The following USP31 variants were observed in gnomAD, a reference collection of about 807,000 sequenced individuals.
USP31 encodes ubiquitin carboxyl-terminal hydrolase 31.
Under a neutral mutation model 119.4 loss-of-function variants are expected in USP31, and 44 were observed. The ratio of observed to expected loss-of-function variants is 0.37; its 90% CI spans 0.29 to 0.47. USP31 has a LOEUF of 0.47. Ranked by LOEUF, USP31 falls within the 20% of genes least tolerant of loss-of-function variation. The pLI, the probability that USP31 is intolerant of heterozygous loss-of-function variation, is 0.99. For synonymous variants in USP31, 749 were observed against 705.6 expected (o/e 1.06, Z -0.97); for missense variants, 1,643 against 1,730.2 (o/e 0.95, Z 0.89).
chr16:23,139,037 A>G (rs1413671643), intron 1 of USP31, among the ~76,000 whole-genome samples: 1 of 152,214 alleles, frequency 6.6e-6, no homozygotes, highest in Non-Finnish European at 1.5e-5. Flanking sequence ...TGCTAAATAA[A>G]TCTGTAGACT....
chr16:23,115,706 T>C (rs765010306), intron 1 of USP31: 4 of 886,834 alleles, frequency 4.5e-6, no homozygotes, highest in Non-Finnish European at 5.4e-6. Flanking sequence ...ATCCCCTCAC[T>C]TGGGATGATC....
Position 23,069,285 on chromosome 16 carries a change from G to A in USP31, c.2820C>T (p.Ala940=). 6.2e-7 allele frequency: 1 copy of A among 1,611,996 alleles called. No homozygotes were observed. Among genetic ancestry groups the A allele is most frequent in the African/African-American group, 1.3e-5 (1 of 75,020 alleles). The change falls in exon 16 of 16, where the codon GCC becomes GCT. Residue 940 remains alanine (A), a synonymous_variant. Transcript: ENST00000219689. ...SRREHKAVGR[A]PLAVMEGVFK... ...ACACGCCTTCCATGACAGCCAGAGGGGCCCGGCCCACAGCCTTGTGCTCAC... is the reference window on the plus strand; with the variant it reads ...ACACGCCTTCCATGACAGCCAGAGGAGCCCGGCCCACAGCCTTGTGCTCAC...
rs1407826705 is a variant in USP31 at position 23,066,161 on chromosome 16, G to C, written c.*1885C>G. ...CTGAACAGTAAAACCAGGACAGCGA[G>C]TGAAGAAGTGAGTACAGGGCTGAGT... On this transcript the variant is annotated 3_prime_UTR_variant, in exon 16 of 16. Transcript: ENST00000219689. 6.6e-6 allele frequency: 1 copy of C among 152,344 alleles called. No homozygotes were observed. The highest frequency in any genetic ancestry group is 1.9e-4 in the East Asian group (1 of 5,190). 9.4% of individuals were successfully genotyped at this position (152,344 alleles called of 1,614,324 possible).
intron 1 of USP31, chr16:23,115,943 T>A (rs764506038): frequency 1.2e-5 from 3 of 244,372 alleles, no homozygotes; most frequent in Non-Finnish European, 2.0e-5. Flanking sequence ...CATCCCAGGC[T>A]CCAGGGAAAA....
At chr16:23,069,700 G>C (rs1279408900) in intron 15 of USP31, 84 bp from the exon 16 acceptor site, 1 of 1,487,190 alleles carries the variant, frequency 6.7e-7, no homozygotes, top group Non-Finnish European at 9.0e-7. Flanking sequence ...GTGAAACGAA[G>C]GTAAGCCTCA....
At chr16:23,090,388 AAAAC>A (rs368241892) in intron 7 of USP31, among the ~76,000 whole-genome samples, 34 of 151,996 alleles carry the variant, frequency 2.2e-4, no homozygotes, top group Admixed American at 4.6e-4. Context: ...TCCATATCAA[AAAAC>A]AAACAAACAA....
At chr16:23,143,591 G>GT (rs374242438) in intron 1 of USP31, among the ~76,000 whole-genome samples, 1 of 151,136 alleles carries the variant, frequency 6.6e-6, no homozygotes, top group Non-Finnish European at 1.5e-5. Flanking sequence ...AGGTTGGGGG[G>GT]GGGGAGAGAG....
At chr16:23,073,324 T>C (rs1900421700) in intron 14 of USP31, among the ~76,000 whole-genome samples, 1 of 152,244 alleles carries the variant, frequency 6.6e-6, no homozygotes, top group Non-Finnish European at 1.5e-5. Flanking sequence ...ATGCTTACGA[T>C]GACCCCATGA....
intron 1 of USP31, among the ~76,000 whole-genome samples, chr16:23,116,139 A>G (rs1238072872): frequency 1.3e-5 from 2 of 152,198 alleles, no homozygotes; most frequent in Non-Finnish European, 1.5e-5. Context: ...AAACCCAATC[A>G]TTGCCCACTT....
rs1445711781 is a variant in USP31 at position 23,068,139 on chromosome 16, C to T, written c.3966G>A (p.Ser1322=). The part of the protein sequence containing the change: ...KSSQLDSGVP[S]SPGGRQSAEK... ...CTGCAGACTGCCTGCCACCCGGAGA[C>T]GAGGGAACTCCAGAGTCTAGTTGGG... is the stretch of plus-strand genomic sequence containing the variant. Residue 1322 remains serine (S), a synonymous_variant, in exon 16 of 16, where the codon TCG becomes TCA. Coordinates refer to ENST00000219689, the MANE Select transcript of USP31 (RefSeq NM_020718.4). The T allele has an allele frequency of 9.3e-6, 15 of 1,614,020 alleles. No homozygotes were observed. The highest frequency in any genetic ancestry group is 4.5e-5 in the East Asian group (2 of 44,886).
At chr16:23,128,636 A>G (rs777718972) in intron 1 of USP31, among the ~76,000 whole-genome samples, 3 of 152,222 alleles carry the variant, frequency 2.0e-5, no homozygotes, top group Non-Finnish European at 1.5e-5. Flanking sequence ...CTAACAAGTA[A>G]AAAAGGAATG....
At chr16:23,106,349 G>A (rs761773234) in intron 3 of USP31, 44 bp from the exon 4 acceptor site, 1 of 1,613,336 alleles carries the variant, frequency 6.2e-7, no homozygotes, top group Admixed American at 1.7e-5. Flanking sequence ...AAATCACCCA[G>A]AACGATGTCA....
intron 1 of USP31, among the ~76,000 whole-genome samples, chr16:23,126,984 G>C (rs1192781987): frequency 1.3e-5 from 2 of 152,194 alleles, no homozygotes; most frequent in East Asian, 3.8e-4. Context: ...AAAGGCAATA[G>C]AGTGGAAGGA....
At chr16:23,079,912 C>T in intron 13 of USP31, 34 bp downstream of exon 13, 8 of 1,551,184 alleles carry the variant, frequency 5.2e-6, no homozygotes, top group East Asian at 2.4e-5. Flanking sequence ...GAAGGACTCG[C>T]CAGCACAGAC....
rs1208376548 is a variant in USP31 at position 23,066,645 on chromosome 16, ACT to A, written c.*1399_*1400del. 6.6e-6 allele frequency: 1 copy of A among 152,120 alleles called. No homozygotes were observed. Among genetic ancestry groups the A allele is most frequent in the South Asian group, 2.1e-4 (1 of 4,816 alleles). The allele number at this position is 152,120 out of a possible 1,614,324, so 9.4% of individuals were successfully genotyped here. The stretch of plus-strand genomic sequence containing the variant: ...CTATTCAGAGAGAATCAAGACCTTC[ACT>A]CTCTTGACATTTAAAAAAAAAAGAA... On this transcript the variant is annotated 3_prime_UTR_variant, in exon 16 of 16. Coordinates refer to ENST00000219689, the MANE Select transcript of USP31 (RefSeq NM_020718.4).
chr16:23,130,413 C>T (rs866557005), intron 1 of USP31, among the ~76,000 whole-genome samples: 76 of 138,646 alleles, frequency 5.5e-4, no homozygotes, highest in Middle Eastern at 3.8e-3. Context: ...AAGTGACACC[C>T]CCCCCCCAAC....
chr16:23,132,501 T>C (rs1810401147), intron 1 of USP31, among the ~76,000 whole-genome samples: 1 of 151,896 alleles, frequency 6.6e-6, no homozygotes, highest in African/African-American at 2.4e-5. Flanking sequence ...CACGCACAAA[T>C]AGAACAAAAG....
chr16:23,098,371 T>A (rs191268342), intron 6 of USP31, among the ~76,000 whole-genome samples: 76 of 152,230 alleles, frequency 5.0e-4, no homozygotes, highest in Middle Eastern at 3.4e-3. Flanking sequence ...ATAGGAAGAA[T>A]CAATATCGTG....
intron 15 of USP31, among the ~76,000 whole-genome samples, chr16:23,071,170 A>G (rs1567224519): frequency 6.6e-6 from 1 of 152,222 alleles, no homozygotes. Context: ...GAGGTGGCAG[A>G]GCTAGAGCTA....
Sources: allele counts gnomAD v4.1 joint callset (sites outside exome capture counted in the v4.1 genomes callset), GRCh38; gene constraint gnomAD v4.1.1; transcripts MANE v1.5; gene names NCBI Gene and HGNC (gene_info 2026-07-23, HGNC 2026-07-21).